BAZ2B: variants seen among roughly 807,000 people sequenced by gnomAD.
BAZ2B encodes bromodomain adjacent to zinc finger domain protein 2B.
In BAZ2B, 91 loss-of-function variants were observed where a neutral mutation model predicts 246.0. That is an observed-to-expected ratio of 0.37 (90% CI 0.31 to 0.44). The LOEUF (loss-of-function observed/expected upper bound fraction) is 0.44, where lower values mean the gene tolerates loss of function less well. Among genes scored for constraint, BAZ2B ranks in the 20% least tolerant of loss-of-function variants. The probability of loss-of-function intolerance (pLI) is 1.00; values close to 1 mark genes in which losing one functional copy is unlikely to be tolerated. For missense variants in BAZ2B, 2,332 were observed against 2,533.7 expected, an observed-to-expected ratio of 0.92 and a Z score of 1.71; for synonymous variants, 855 against 860.0, an observed-to-expected ratio of 0.99 and a Z score of 0.10.
intron 3 of BAZ2B, among the ~76,000 whole-genome samples, chr2:159,456,120 A>G (rs946860934): frequency 7.2e-5 from 11 of 152,004 alleles, no homozygotes; most frequent in Non-Finnish European, 1.3e-4. Flanking sequence ...AAGAAATTTG[A>G]GGGAAGTAAC....
Position 159,347,871 on chromosome 2 carries a change from A to G in BAZ2B, c.5294-225T>C, listed in dbSNP as rs560915652. ...TAAAAAATTACAAGACAGTAACACC[A>G]ACTTAAAAAATATAAATAGTTTGTT... On this transcript the variant is annotated intron_variant, in intron 30 of 36. Transcript: ENST00000392783. Among the ~76,000 whole-genome samples the G allele has an allele frequency of 1.2e-4, 19 of 152,322 alleles. No individual in the cohort carries two copies. The South Asian group carries it at 3.9e-3, about 32-fold the overall frequency.
intron 16 of BAZ2B, among the ~76,000 whole-genome samples, chr2:159,400,914 G>C (rs1032555141): frequency 6.6e-6 from 1 of 151,998 alleles, no homozygotes; most frequent in Non-Finnish European, 1.5e-5. Context: ...CTTGGTGGCG[G>C]GCACCTGTAG....
chr2:159,662,305 A>C, the BAZ2B span, among the ~76,000 whole-genome samples: 2 of 152,208 alleles, frequency 1.3e-5, no homozygotes, highest in Non-Finnish European at 2.9e-5. Context: ...ACATTCATGC[A>C]CAAGTATTTG....
intron 1 of BAZ2B, among the ~76,000 whole-genome samples, chr2:159,579,446 G>A (rs1053978882): frequency 3.3e-5 from 5 of 152,006 alleles, no homozygotes; most frequent in Admixed American, 6.6e-5. Context: ...GCCTACCAAC[G>A]AAAACAAGTC....
intron 13 of BAZ2B, among the ~76,000 whole-genome samples, chr2:159,422,170 A>G (rs190240785): frequency 1.3e-5 from 2 of 152,244 alleles, no homozygotes; most frequent in Non-Finnish European, 2.9e-5. Context: ...CATATTGCCC[A>G]AAGTAATTTA....
chr2:159,478,668 T>C lies in BAZ2B; in HGVS notation c.52A>G (p.Thr18Ala), dbSNP rs373390123. 5.6e-6 allele frequency: 9 copies of C among 1,610,500 alleles called. No individual in the cohort carries two copies. The highest frequency in any genetic ancestry group is 7.6e-6 in the Non-Finnish European group (9 of 1,178,030). Residue 18 changes from threonine (T) to alanine (A), a missense_variant, in exon 3 of 37, where the codon ACT (threonine) becomes GCT (alanine). Around this residue, in one of 9 missense-constraint regions of BAZ2B, gnomAD observed 242 missense variants for 237.4 expected, o/e 1.02. Transcript: ENST00000392783. ...PSSAASSTTP[T>A]SSSTPSVASV... ...GCCACAGAAGGTGTCGAAGATGAAG[T>C]TGGTGTAGTAGAGGAGGCTGCTGAG...
At chr2:159,569,649 T>A (rs181103118) in intron 1 of BAZ2B, among the ~76,000 whole-genome samples, 1 of 152,244 alleles carries the variant, frequency 6.6e-6, no homozygotes, top group East Asian at 1.9e-4. Context: ...TTTTCTAACA[T>A]TTTTCTTGTC....
At chr2:159,403,189 T>C (rs375162521) in intron 16 of BAZ2B, among the ~76,000 whole-genome samples, 1 of 142,550 alleles carries the variant, frequency 7.0e-6, no homozygotes, top group African/African-American at 2.9e-5. Context: ...GACTTTAAAA[T>C]AGACCCTATA....
At chr2:159,650,698 G>A in the BAZ2B span, among the ~76,000 whole-genome samples, 1 of 152,084 alleles carries the variant, frequency 6.6e-6, no homozygotes, top group Non-Finnish European at 1.5e-5. Context: ...CTTCAGTACT[G>A]CACCCTGTGA....
At chr2:159,461,401 A>G (rs1003484348) in intron 3 of BAZ2B, 3 of 152,632 alleles carry the variant, frequency 2.0e-5, no homozygotes, top group Non-Finnish European at 4.4e-5. Context: ...TAAGTTTTAC[A>G]TCCTATTTAG....
intron 1 of BAZ2B, among the ~76,000 whole-genome samples, chr2:159,578,648 A>T (rs1008410236): frequency 1.3e-5 from 2 of 152,196 alleles, no homozygotes; most frequent in African/African-American, 2.4e-5. Context: ...CATCGCACTT[A>T]TTCCAAAATT....
intron 13 of BAZ2B, among the ~76,000 whole-genome samples, chr2:159,426,862 A>G (rs1205295832): frequency 6.6e-6 from 1 of 152,176 alleles, no homozygotes; most frequent in African/African-American, 2.4e-5. Flanking sequence ...ATTAAAGGGT[A>G]AGATAGGATA....
At chr2:159,478,324 A>G (rs1022407276) in intron 3 of BAZ2B, among the ~76,000 whole-genome samples, 3 of 151,892 alleles carry the variant, frequency 2.0e-5, no homozygotes, top group African/African-American at 7.3e-5. Flanking sequence ...TCATTAATTT[A>G]TTAATTAAAA....
chr2:159,406,607 ATTGT>A (rs971524663), intron 14 of BAZ2B, among the ~76,000 whole-genome samples: 34 of 152,310 alleles, frequency 2.2e-4, no homozygotes, highest in Admixed American at 2.1e-3. Flanking sequence ...TGTATTATAC[ATTGT>A]TTAAATTTTG....
intron 2 of BAZ2B, among the ~76,000 whole-genome samples, chr2:159,538,279 C>A (rs1271715829): frequency 6.6e-6 from 1 of 152,188 alleles, no homozygotes; most frequent in Non-Finnish European, 1.5e-5. Flanking sequence ...CTGATCTTCA[C>A]CTGAAATTCT....
At chr2:159,342,217 C>A (rs1013385461) in intron 31 of BAZ2B, among the ~76,000 whole-genome samples, 6 of 152,120 alleles carry the variant, frequency 3.9e-5, no homozygotes, top group Admixed American at 3.9e-4. Context: ...GATAGGAAGA[C>A]TAAATATCAT....
At chr2:159,468,684 A>G (rs541747385) in intron 3 of BAZ2B, among the ~76,000 whole-genome samples, 17 of 152,330 alleles carry the variant, frequency 1.1e-4, no homozygotes, top group African/African-American at 3.4e-4. Flanking sequence ...AGGGAAATTC[A>G]TAGCATTAAA....
rs938697109 is a variant in BAZ2B, at chr2:159,386,497, A to G, written c.3327T>C (p.Phe1109=). Residue 1109 remains phenylalanine, a synonymous_variant, in exon 22 of 37, where the codon TTT becomes TTC. Transcript: ENST00000392783. ...FLRNFGKVLG[F]DVNIDVPNLS... is the part of the protein sequence containing the mutation. ...GGTTTGGAACATCAATATTCACATC[A>G]AAGCCCAAAACTTTACCAAAGTTTC... 1 of 1,613,712 alleles carries G rather than the reference A, an allele frequency of 6.2e-7. No homozygotes were observed. The highest frequency in any genetic ancestry group is 8.5e-7 in the Non-Finnish European group (1 of 1,179,796).
At chr2:159,629,828 A>C in the BAZ2B span, among the ~76,000 whole-genome samples, 1 of 152,232 alleles carries the variant, frequency 6.6e-6, no homozygotes. Context: ...TATAATAAAA[A>C]ATAAAATATA....
Sources: gnomAD v4.1 joint callset for allele counts (sites outside exome capture counted in the v4.1 genomes callset) on GRCh38, gnomAD v4.1.1 for gene constraint, gnomAD v4.1.1 regional missense constraint, MANE v1.5 for transcripts, NCBI Gene and HGNC (gene_info 2026-07-23, HGNC 2026-07-21) for gene names.